The following CRACD variants were observed in gnomAD, a reference collection of about 807,000 sequenced individuals.
CRACD encodes the protein capping protein-inhibiting regulator of actin dynamics.
In CRACD, 56 loss-of-function variants were observed where a neutral mutation model predicts 106.8. That is an observed-to-expected ratio of 0.52 (90% CI 0.42 to 0.66). CRACD has a LOEUF of 0.66. Ranked by LOEUF, CRACD falls within the 30% of genes least tolerant of loss-of-function variation. The pLI, the probability that CRACD is intolerant of heterozygous loss-of-function variation, is 0.00. For missense variants in CRACD, 1,730 were observed against 1,623.2 expected, an observed-to-expected ratio of 1.07 and a Z score of -1.13; for synonymous variants, 754 against 670.8, an observed-to-expected ratio of 1.12 and a Z score of -1.92.
At chr4:56,177,516 G>A (rs1327057225) in intron 1 of CRACD, among the ~76,000 whole-genome samples, 1 of 151,978 alleles carries the variant, frequency 6.6e-6, no homozygotes, top group Non-Finnish European at 1.5e-5. Context: ...TGGTATGAGG[G>A]TAATGATGCC....
intron 2 of CRACD, among the ~76,000 whole-genome samples, chr4:56,263,218 G>A (rs980947018): frequency 6.6e-6 from 1 of 152,174 alleles, no homozygotes; most frequent in Non-Finnish European, 1.5e-5. Context: ...TGTTTGCGGG[G>A]AGTGGTTAGG....
chr4:56,267,918 A>G (rs560901472), intron 2 of CRACD, among the ~76,000 whole-genome samples: 56 of 152,260 alleles, frequency 3.7e-4, no homozygotes, highest in African/African-American at 1.3e-3. Context: ...TCTGCTGCCA[A>G]AACCCTCCCA....
chr4:56,107,759 G>GGATGGAATGTGCTGATTCA (rs1304108776), intron 1 of CRACD, among the ~76,000 whole-genome samples: 5 of 152,198 alleles, frequency 3.3e-5, no homozygotes, highest in Non-Finnish European at 7.3e-5. Flanking sequence ...TGGGGTACAA[G>GGATGGAATGTGCTGATTCA]GATGGAATGT....
intron 1 of CRACD, among the ~76,000 whole-genome samples, chr4:56,097,835 C>T (rs1733645176): frequency 6.6e-6 from 1 of 152,100 alleles, no homozygotes; most frequent in Non-Finnish European, 1.5e-5. Context: ...TTAATAATTT[C>T]AGAGAAGTAG....
intron 1 of CRACD, among the ~76,000 whole-genome samples, chr4:56,142,377 A>T (rs1208410986): frequency 6.6e-6 from 1 of 152,152 alleles, no homozygotes; most frequent in Non-Finnish European, 1.5e-5. Context: ...TTTTGTGGAA[A>T]TGTTGGCAGA....
intron 1 of CRACD, among the ~76,000 whole-genome samples, chr4:56,050,866 C>T (rs2109774051): frequency 6.6e-6 from 1 of 152,302 alleles, no homozygotes; most frequent in Non-Finnish European, 1.5e-5. Context: ...GAAACTTTCA[C>T]TCTAAAGACT....
chr4:56,060,948 A>G (rs988927253), intron 1 of CRACD, among the ~76,000 whole-genome samples: 6 of 152,182 alleles, frequency 3.9e-5, no homozygotes, highest in African/African-American at 1.4e-4. Flanking sequence ...AGCCTCCAGA[A>G]CTGTGAGAAG....
At chr4:56,261,859 T>C (rs1741727776) in intron 2 of CRACD, among the ~76,000 whole-genome samples, 1 of 152,178 alleles carries the variant, frequency 6.6e-6, no homozygotes, top group African/African-American at 2.4e-5. Flanking sequence ...AGTAGAAACC[T>C]ATTTCAGGAG....
At chr4:56,273,079 T>C (rs956283699) in intron 3 of CRACD, among the ~76,000 whole-genome samples, 2 of 152,104 alleles carry the variant, frequency 1.3e-5, no homozygotes, top group African/African-American at 4.8e-5. Flanking sequence ...AGGCAACATT[T>C]CACTGGCTTG....
chr4:56,266,008 C>T (rs2109629174), intron 2 of CRACD, among the ~76,000 whole-genome samples: 1 of 151,416 alleles, frequency 6.6e-6, no homozygotes, highest in South Asian at 2.1e-4. Flanking sequence ...TATGATGATG[C>T]AGCCATCAAA....
chr4:56,205,325 G>C (rs775897663), intron 2 of CRACD, among the ~76,000 whole-genome samples: 2 of 152,054 alleles, frequency 1.3e-5, no homozygotes, highest in Non-Finnish European at 2.9e-5. Context: ...TTATATTAGG[G>C]TAGCAGGAGA....
chr4:56,250,876 A>G (rs1395975014), intron 2 of CRACD, among the ~76,000 whole-genome samples: 3 of 152,152 alleles, frequency 2.0e-5, no homozygotes, highest in Non-Finnish European at 4.4e-5. Context: ...CTTGCAACCA[A>G]CTTCATTTAA....
At chr4:56,090,094 T>G (rs1318410624) in intron 1 of CRACD, among the ~76,000 whole-genome samples, 2 of 151,942 alleles carry the variant, frequency 1.3e-5, no homozygotes, top group African/African-American at 2.4e-5. Context: ...AAATACATAT[T>G]CTGCCTTCCT....
intron 2 of CRACD, among the ~76,000 whole-genome samples, chr4:56,236,357 C>G (rs1330161759): frequency 1.3e-5 from 2 of 152,196 alleles, no homozygotes; most frequent in African/African-American, 4.8e-5. Context: ...TCTCAGACTT[C>G]CCCTCTAAGA....
chr4:56,160,236 G>C (rs570733092), intron 1 of CRACD, among the ~76,000 whole-genome samples: 105 of 146,314 alleles, frequency 7.2e-4, no homozygotes, highest in African/African-American at 2.6e-3. Flanking sequence ...AGGCTGGAGT[G>C]CAGTGGCGCG....
At chr4:56,177,377 T>G (rs1736632359) in intron 1 of CRACD, among the ~76,000 whole-genome samples, 1 of 152,236 alleles carries the variant, frequency 6.6e-6, no homozygotes. Flanking sequence ...TTTGTGTATG[T>G]TGAACCATTT....
At chr4:56,324,061 T>G (rs1746275939) in intron 9 of CRACD, 43 bp from the exon 10 acceptor site, 2 of 1,566,994 alleles carry the variant, frequency 1.3e-6, no homozygotes, top group Non-Finnish European at 8.7e-7. Context: ...TTCCATGTCT[T>G]AGGTTGAAAA....
chr4:56,128,807 C>T (rs1396700625), intron 1 of CRACD, among the ~76,000 whole-genome samples: 2 of 151,966 alleles, frequency 1.3e-5, no homozygotes, highest in Non-Finnish European at 2.9e-5. Flanking sequence ...AATAAAAAAT[C>T]AAAGACCATA....
chr4:56,280,365 G>A (rs561627512), intron 3 of CRACD, among the ~76,000 whole-genome samples: 3 of 151,556 alleles, frequency 2.0e-5, no homozygotes, highest in Admixed American at 6.6e-5. Context: ...GGTAGTGCTT[G>A]TTTCTTGAAT....
Sources: gnomAD v4.1 joint callset for allele counts (sites outside exome capture counted in the v4.1 genomes callset) on GRCh38, gnomAD v4.1.1 for gene constraint, MANE v1.5 for transcripts, NCBI Gene and HGNC (gene_info 2026-07-23, HGNC 2026-07-21) for gene names.